Variants in C22orf31 observed in about 807,000 individuals in gnomAD.
C22orf31 encodes the protein chromosome 22 open reading frame 31.
Under a neutral mutation model 15.0 loss-of-function variants are expected in C22orf31, and 11 were observed. That is an observed-to-expected ratio of 0.73 (90% confidence interval 0.46 to 1.21). The LOEUF (loss-of-function observed/expected upper bound fraction) is 1.21. C22orf31 is among the 50% of genes most tolerant of loss of function. C22orf31 has a pLI of 0.00. For synonymous variants in C22orf31, 132 were observed against 133.3 expected (o/e 0.99, Z 0.07); for missense variants, 340 against 347.2 (o/e 0.98, Z 0.17).
chr22:29,061,391 G>C (rs374956173), intron 1 of C22orf31, among the ~76,000 whole-genome samples: 4 of 152,038 alleles, frequency 2.6e-5, no homozygotes, highest in Non-Finnish European at 5.9e-5. Context: ...CTCAGCCTCC[G>C]AAGTAGTTGA....
At chr22:29,069,105 G>C in the C22orf31 span, among the ~76,000 whole-genome samples, 1 of 152,102 alleles carries the variant, frequency 6.6e-6, no homozygotes, top group African/African-American at 2.4e-5. Context: ...CCACTGCCTG[G>C]GTTCAAAGCC....
chr22:29,072,656 G>A, the C22orf31 span, among the ~76,000 whole-genome samples: 4 of 152,242 alleles, frequency 2.6e-5, no homozygotes, highest in Admixed American at 2.6e-4. Flanking sequence ...TATTACCGCT[G>A]TAGCTGAGCT....
intron 2 of C22orf31, chr22:29,060,111 A>G (rs1376205681): frequency 8.2e-6 from 3 of 365,046 alleles, no homozygotes; most frequent in East Asian, 1.7e-4. Flanking sequence ...GGCTCACTGC[A>G]GCCTCAACCT....
chr22:29,066,815 C>A (rs1256830605), upstream of C22orf31, among the ~76,000 whole-genome samples: 1 of 152,012 alleles, frequency 6.6e-6, no homozygotes, highest in Non-Finnish European at 1.5e-5. Flanking sequence ...CCTGCCTCGG[C>A]CTCCCAAAGT....
At chr22:29,060,363 C>A (rs888662248) in intron 2 of C22orf31, 52 bp downstream of exon 2, 25 of 1,506,312 alleles carry the variant, frequency 1.7e-5, no homozygotes, top group Non-Finnish European at 2.2e-5. Context: ...CTGGCTTTAC[C>A]TTTTCCCTCC....
chr22:29,063,330 T>A (rs1327445053), upstream of C22orf31, among the ~76,000 whole-genome samples: 1 of 152,042 alleles, frequency 6.6e-6, no homozygotes, highest in Non-Finnish European at 1.5e-5. Context: ...CAAGCCCAGC[T>A]AATTTTTGTA....
At chr22:29,060,040 TTTTA>T (rs2037369982) in intron 2 of C22orf31, 11 of 875,526 alleles carry the variant, frequency 1.3e-5, no homozygotes, top group African/African-American at 1.2e-4. Context: ...TTTTTTTTTT[TTTTA>T]TTTTTTAGAC....
the C22orf31 span, among the ~76,000 whole-genome samples, chr22:29,070,358 T>C: frequency 0.51 from 77,737 of 152,084 alleles, 20,728 homozygotes; most frequent in Middle Eastern, 0.64. Flanking sequence ...AGAGAGCCAA[T>C]TGGAGGAGGG....
upstream of C22orf31, chr22:29,061,965 G>A (rs2037396507): frequency 1.8e-6 from 1 of 557,882 alleles, no homozygotes; most frequent in Non-Finnish European, 3.2e-6. Context: ...GTTTAGATGT[G>A]GGCTCAATGC....
the C22orf31 span, among the ~76,000 whole-genome samples, chr22:29,067,969 G>A: frequency 6.6e-6 from 1 of 152,158 alleles, no homozygotes; most frequent in Non-Finnish European, 1.5e-5. Context: ...CCCAGCTACT[G>A]AGTCTGAGGT....
chr22:29,060,567 A>G lies in C22orf31; in HGVS notation c.280T>C (p.Cys94Arg), dbSNP rs750671821. 8 of 1,614,098 alleles carry G rather than the reference A, an allele frequency of 5.0e-6. No individual in the cohort carries two copies. Among genetic ancestry groups the G allele is most frequent in the Non-Finnish European group, 5.9e-6 (7 of 1,180,014 alleles). ...QLKNKCCPPP[C>R]KFGEGKLSKR... ...GAGAGTTTTCCTTCTCCAAACTTGC[A>G]TGGTGGTGGGCAGCACTTATTCTTC... is the stretch of plus-strand genomic sequence containing the variant. The change falls in exon 2 of 3, where the codon TGC becomes CGC. Residue 94 changes from cysteine (C) to arginine (R), a missense_variant. Cys to Arg is a radical substitution (Grantham distance 180). Coordinates refer to ENST00000216071, the MANE Select transcript of C22orf31 (RefSeq NM_015370.2).
upstream of C22orf31, among the ~76,000 whole-genome samples, chr22:29,064,675 A>ATTTTTTTTTTTTTTT (rs563569423): frequency 1.9e-5 from 1 of 51,326 alleles, no homozygotes; most frequent in African/African-American, 7.2e-5. Flanking sequence ...TTGCCCAGTG[A>ATTTTTTTTTTTTTTT]TTTTTTTTTT....
the C22orf31 span, among the ~76,000 whole-genome samples, chr22:29,072,584 C>CT: frequency 1.3e-5 from 2 of 152,338 alleles, no homozygotes; most frequent in East Asian, 3.9e-4. Flanking sequence ...CCAAAGCATT[C>CT]TTTTTTTAAC....
In C22orf31 at chr22:29,058,941, A is replaced by C. The variant is rs1224856291; in HGVS notation, c.674T>G (p.Leu225Arg). ...CTTGGGGGTCCCTGAAGGATTCCACAGCATTGGCTCCACCACAGCGTGGTA... is the reference window on the plus strand; with the variant it reads ...CTTGGGGGTCCCTGAAGGATTCCACCGCATTGGCTCCACCACAGCGTGGTA... ...ALYHAVVEPM[L>R]WNPSGTPKRY... Residue 225 changes from leucine (L) to arginine (R), a missense_variant, in exon 3 of 3, where the codon CTG becomes CGG. Coordinates refer to ENST00000216071, the MANE Select transcript of C22orf31 (RefSeq NM_015370.2). 6.2e-7 allele frequency: 1 copy of C among 1,614,068 alleles called. No homozygotes were observed. Among genetic ancestry groups the C allele is most frequent in the East Asian group, 2.2e-5 (1 of 44,892 alleles).
intron 2 of C22orf31, 76 bp downstream of exon 2, chr22:29,060,339 C>T (rs1255931707): frequency 4.5e-6 from 6 of 1,342,028 alleles, no homozygotes; most frequent in East Asian, 4.6e-5. Context: ...ATAATCTCAA[C>T]CGTTAAGTGT....
the C22orf31 span, among the ~76,000 whole-genome samples, chr22:29,071,812 G>C: frequency 6.6e-6 from 1 of 152,238 alleles, no homozygotes; most frequent in African/African-American, 2.4e-5. Flanking sequence ...GGGGCCGAAA[G>C]TTTAAGCAAG....
At position 29,060,400 on chromosome 22, in the gene C22orf31, C is replaced by G. The variant is rs776897985; in HGVS notation, c.432+15G>C. 8.7e-6 allele frequency: 14 copies of G among 1,601,710 alleles called. No individual in the cohort carries two copies. The Admixed American group carries it at 2.2e-4, about 26-fold the overall frequency. On this transcript the variant is annotated intron_variant, in intron 2 of 2. Coordinates refer to ENST00000216071, the MANE Select transcript of C22orf31 (RefSeq NM_015370.2). ...CTCGCCAGTCACATTTTCCCCACCA[C>G]TGGTCCTCGTCTACCTCTCTGATGC...
At chr22:29,068,676 C>T in the C22orf31 span, among the ~76,000 whole-genome samples, 2 of 151,600 alleles carry the variant, frequency 1.3e-5, no homozygotes, top group African/African-American at 4.9e-5. Context: ...TCCCAAAGTG[C>T]TGGGATTACA....
rs773519100 is a variant in C22orf31, at chr22:29,059,229, G to A, written c.433-47C>T. Reference sequence around the variant, plus strand: ...AAGTCAAAGCTAAAACTTGAGAGGGGAGCTCAGAATAATTATCTGGGATTT... The same window carrying A: ...AAGTCAAAGCTAAAACTTGAGAGGGAAGCTCAGAATAATTATCTGGGATTT... On this transcript the variant is annotated intron_variant, in intron 2 of 2. Coordinates refer to ENST00000216071, the MANE Select transcript of C22orf31 (RefSeq NM_015370.2). 25 of 1,370,030 alleles carry A rather than the reference G, an allele frequency of 1.8e-5. No individual in the cohort carries two copies. In the Admixed American group the frequency reaches 5.3e-4, roughly 29 times the overall value. 84.9% of individuals were successfully genotyped at this position (1,370,030 alleles called of 1,614,324 possible).
Sources: gnomAD v4.1 joint callset for allele counts (sites outside exome capture counted in the v4.1 genomes callset) on GRCh38, gnomAD v4.1.1 for gene constraint, MANE v1.5 for transcripts, NCBI Gene and HGNC (gene_info 2026-07-23, HGNC 2026-07-21) for gene names.